FGF5: variants seen among roughly 807,000 people sequenced by gnomAD.
The protein encoded by FGF5 is heparin-binding growth factor 5.
Under a neutral mutation model 21.8 loss-of-function variants are expected in FGF5, and 23 were observed. The ratio of observed to expected loss-of-function variants is 1.05; its 90% confidence interval spans 0.76 to 1.49. FGF5 has a LOEUF of 1.49. FGF5 is among the 40% of genes most tolerant of loss of function. FGF5 has a pLI of 0.00. For synonymous variants in FGF5, 158 were observed against 124.0 expected (o/e 1.27, Z -1.82); for missense variants, 352 against 332.9 (o/e 1.06, Z -0.45).
intron 1 of FGF5, among the ~76,000 whole-genome samples, chr4:80,267,758 TACAC>T (rs150679622): frequency 2.0e-5 from 3 of 148,780 alleles, no homozygotes; most frequent in East Asian, 2.0e-4. Context: ...GATAGATAGA[TACAC>T]AGATAGATAG....
At position 80,286,478 on chromosome 4, in the gene FGF5, C is replaced by T. The variant is rs775977168; in HGVS notation, c.613C>T (p.Arg205Trp). ...RGKAKRGCSP[R>W]VKPQHISTHF... The stretch of plus-strand genomic sequence containing the variant: ...AAAAGCCAAACGAGGGTGCAGCCCC[C>T]GGGTTAAACCCCAGCATATCTCTAC... The change falls in exon 3 of 3, where the codon CGG becomes TGG. Residue 205 changes from arginine to tryptophan, a missense_variant. By Grantham distance (101) the Arg-to-Trp change is moderately radical. Transcript: ENST00000312465. 31 of 1,613,878 alleles carry T rather than the reference C, an allele frequency of 1.9e-5. No homozygotes were observed. The highest frequency in any genetic ancestry group is 2.2e-5 in the South Asian group (2 of 91,086).
chr4:80,267,295 C>A, intron 1 of FGF5, 116 bp downstream of exon 1: 3 of 796,602 alleles, frequency 3.8e-6, no homozygotes, highest in Non-Finnish European at 5.9e-6. Context: ...CCACTGGGAC[C>A]AAGCTGATAC....
chr4:80,281,913 C>T (rs1720563895), intron 2 of FGF5, among the ~76,000 whole-genome samples: 1 of 152,040 alleles, frequency 6.6e-6, no homozygotes, highest in Admixed American at 6.6e-5. Context: ...TAAAATTGAT[C>T]CTTCACTGTG....
At chr4:80,276,415 T>A (rs1720412168) in intron 2 of FGF5, among the ~76,000 whole-genome samples, 1 of 152,078 alleles carries the variant, frequency 6.6e-6, no homozygotes, top group Non-Finnish European at 1.5e-5. Flanking sequence ...TTCATAGAAA[T>A]ATATTTTTCT....
chr4:80,270,988 A>T (rs1052149436), intron 1 of FGF5, among the ~76,000 whole-genome samples: 1 of 152,228 alleles, frequency 6.6e-6, no homozygotes, highest in African/African-American at 2.4e-5. Context: ...GAAGACTGCT[A>T]AACTGAATAT....
intron 2 of FGF5, among the ~76,000 whole-genome samples, chr4:80,282,960 C>T (rs542928147): frequency 6.6e-6 from 1 of 152,094 alleles, no homozygotes; most frequent in Non-Finnish European, 1.5e-5. Flanking sequence ...AGACCTATGA[C>T]TCTTTGCTAT....
At chr4:80,282,182 G>A (rs1720572245) in intron 2 of FGF5, among the ~76,000 whole-genome samples, 1 of 151,974 alleles carries the variant, frequency 6.6e-6, no homozygotes, top group South Asian at 2.1e-4. Flanking sequence ...GGCTGGTCTC[G>A]AACTCCTGAC....
chr4:80,276,729 C>T (rs1720422073), intron 2 of FGF5, among the ~76,000 whole-genome samples: 1 of 145,884 alleles, frequency 6.9e-6, no homozygotes, highest in African/African-American at 2.5e-5. Flanking sequence ...TTAAAATCCA[C>T]ATACAGATGA....
At chr4:80,274,216 T>C (rs1413923472) in intron 1 of FGF5, among the ~76,000 whole-genome samples, 1 of 152,096 alleles carries the variant, frequency 6.6e-6, no homozygotes, top group Non-Finnish European at 1.5e-5. Flanking sequence ...ACAAAATTTA[T>C]ACAACAATGT....
rs1021434528 is a variant in FGF5 at position 80,286,778 on chromosome 4, A to G, written c.*106A>G. On this transcript the variant is annotated 3_prime_UTR_variant, in exon 3 of 3. Coordinates refer to ENST00000312465, the MANE Select transcript of FGF5 (RefSeq NM_004464.4). ...ACTGGACACAGCTTCAGCTATACTT[A>G]CACTGTATTGAAGTCACGTCATTTG... The G allele has an allele frequency of 1.1e-5, 9 of 804,406 alleles. No individual in the cohort carries two copies. The highest frequency in any genetic ancestry group is 1.1e-4 in the Admixed American group (4 of 37,996). 49.8% of individuals were successfully genotyped at this position (804,406 alleles called of 1,614,324 possible). A position where few individuals can be genotyped will look rare whatever the true frequency, so the allele number is the denominator to read the frequency against.
rs1487055328 is a variant in FGF5 at position 80,290,953 on chromosome 4, G to C, written c.*4281G>C. 2.0e-5 allele frequency: 3 copies of C among 152,136 alleles called. No homozygotes were observed. Among genetic ancestry groups the C allele is most frequent in the African/African-American group, 7.2e-5 (3 of 41,434 alleles). 9.4% of individuals were successfully genotyped at this position (152,136 alleles called of 1,614,324 possible). ...CAGTCTATCATTGTTGGACATTTGG[G>C]TTGGTTCCAAGTCTTTGCTATTGTG... On this transcript the variant is annotated 3_prime_UTR_variant, in exon 3 of 3. Coordinates refer to ENST00000312465, the MANE Select transcript of FGF5 (RefSeq NM_004464.4).
intron 2 of FGF5, among the ~76,000 whole-genome samples, chr4:80,284,470 A>G (rs1025559933): frequency 2.6e-5 from 4 of 152,050 alleles, no homozygotes; most frequent in African/African-American, 9.7e-5. Context: ...AACAACAACA[A>G]CAACAAAGAA....
intron 2 of FGF5, among the ~76,000 whole-genome samples, chr4:80,285,190 C>T (rs1720674235): frequency 6.6e-6 from 1 of 152,132 alleles, no homozygotes; most frequent in Admixed American, 6.5e-5. Flanking sequence ...CACACTCTTC[C>T]CCCATTCTCC....
chr4:80,273,375 G>C (rs1720324387), intron 1 of FGF5, among the ~76,000 whole-genome samples: 1 of 151,974 alleles, frequency 6.6e-6, no homozygotes, highest in African/African-American at 2.4e-5. Context: ...TTCTAATCAA[G>C]TTTTTTAAGA....
In FGF5 at chr4:80,286,590, C is replaced by G. The variant is rs1464286562; in HGVS notation, c.725C>G (p.Pro242Arg). 3.1e-6 allele frequency: 5 copies of G among 1,614,052 alleles called. No individual in the cohort carries two copies. In the South Asian group the frequency reaches 5.5e-5, roughly 18 times the overall value. The change falls in exon 3 of 3, where the codon CCT becomes CGT. Residue 242 changes from proline to arginine, a missense_variant. Transcript: ENST00000312465. Reference protein sequence around the residue: ...TVPEKKKPPSPIKPKIPLSAP... With the variant: ...TVPEKKKPPSRIKPKIPLSAP... ...CCTGAAAAGAAAAAGCCACCTAGCC[C>G]TATCAAGCCAAAGATTCCCCTTTCT...
At chr4:80,277,814 G>C (rs1236016189) in intron 2 of FGF5, among the ~76,000 whole-genome samples, 1 of 152,040 alleles carries the variant, frequency 6.6e-6, no homozygotes, top group Non-Finnish European at 1.5e-5. Flanking sequence ...TCTGGGAAAA[G>C]TAATCCCCCA....
intron 2 of FGF5, among the ~76,000 whole-genome samples, chr4:80,284,606 C>T (rs1188482926): frequency 6.6e-6 from 1 of 152,166 alleles, no homozygotes; most frequent in Non-Finnish European, 1.5e-5. Flanking sequence ...TTGAACTACA[C>T]TTAAATATAA....
rs1388943759 is a variant in FGF5, at chr4:80,287,933, T to C, written c.*1261T>C. On this transcript the variant is annotated 3_prime_UTR_variant, in exon 3 of 3. Coordinates refer to ENST00000312465, the MANE Select transcript of FGF5 (RefSeq NM_004464.4). ...GAGGTAACTTAATTTGGGAATTTGT[T>C]GTGTTGAAATGGCATTTAATTTCAA... is the stretch of plus-strand genomic sequence containing the variant. 6.6e-6 allele frequency: 1 copy of C among 152,206 alleles called. No homozygotes were observed. The highest frequency in any genetic ancestry group is 1.9e-4 in the East Asian group (1 of 5,208). 9.4% of individuals were successfully genotyped at this position (152,206 alleles called of 1,614,324 possible).
At position 80,289,089 on chromosome 4, in the gene FGF5, G is replaced by A. The variant is rs1272036915; in HGVS notation, c.*2417G>A. The stretch of plus-strand genomic sequence containing the variant: ...GCTCACTGCAACCTCCAACTCCCTG[G>A]TTTAAGGGATTCTCCTGCCTCAGCC... On this transcript the variant is annotated 3_prime_UTR_variant, in exon 3 of 3. Coordinates refer to ENST00000312465, the MANE Select transcript of FGF5 (RefSeq NM_004464.4). 6.6e-6 allele frequency: 1 copy of A among 151,670 alleles called. No individual in the cohort carries two copies. The allele number at this position is 151,670 out of a possible 1,614,324, so 9.4% of individuals were successfully genotyped here.
Sources: gnomAD v4.1 joint callset for allele counts (sites outside exome capture counted in the v4.1 genomes callset) on GRCh38, gnomAD v4.1.1 for gene constraint, MANE v1.5 for transcripts, NCBI Gene and HGNC (gene_info 2026-07-23, HGNC 2026-07-21) for gene names.